Variants in PCDHGA11 observed in about 807,000 individuals in gnomAD.
PCDHGA11 encodes the protein protocadherin gamma subfamily A, 11, also known as protocadherin gamma-A11.
Under a neutral mutation model 60.4 loss-of-function variants are expected in PCDHGA11, and 39 were observed. The ratio of observed to expected loss-of-function variants is 0.65; its 90% CI spans 0.50 to 0.84. The LOEUF is 0.84. Ranked by LOEUF, PCDHGA11 falls within the 40% of genes least tolerant of loss-of-function variation. The probability of loss-of-function intolerance (pLI) is 0.00; values close to 1 mark genes in which losing one functional copy is unlikely to be tolerated. For missense variants in PCDHGA11, 1,165 were observed against 1,197.7 expected, an observed-to-expected ratio of 0.97 and a Z score of 0.40; for synonymous variants, 533 against 510.3, an observed-to-expected ratio of 1.04 and a Z score of -0.60.
rs61612330 is a variant in PCDHGA11 at position 141,454,796 on chromosome 5, A to ATTTTTTTTT, written c.2433+31157_2433+31165dup. Among the ~76,000 whole-genome samples the ATTTTTTTTT allele has an allele frequency of 8.2e-3, 638 of 77,468 alleles. 91 individuals carry two copies. The highest frequency in any genetic ancestry group is 0.025 in the African/African-American group (426 of 16,886). 50.8% of individuals were successfully genotyped at this position (77,468 alleles called of 152,430 possible). On this transcript the variant is annotated intron_variant, in intron 1 of 3. Coordinates refer to ENST00000398587, the MANE Select transcript of PCDHGA11 (RefSeq NM_018914.3). ...AAGGAAATAATCCTCCATGGTTCTA[A>ATTTTTTTTT]TTTTTTTTTTTTTTTTTTTTTTTTT...
rs181495329 is a variant in PCDHGA11, at chr5:141,489,120, G to A, written c.2434-5687G>A. ...AACTGCTGCAAGCAGGCAAACCTCC[G>A]AGCAGTTTTTAAGAGGCTGGAAGGA... is the stretch of plus-strand genomic sequence containing the variant. On this transcript the variant is annotated intron_variant, in intron 1 of 3. Coordinates refer to ENST00000398587, the MANE Select transcript of PCDHGA11 (RefSeq NM_018914.3). This position sits in a 1 kb window ranked among gnomAD's most constrained non-coding sequence, Gnocchi z 4.5. 1.8e-5 allele frequency: 8 copies of A among 445,672 alleles called. No homozygotes were observed. The East Asian group carries it at 1.9e-4, about 11-fold the overall frequency. The allele number at this position is 445,672 out of a possible 1,614,324, so 27.6% of individuals were successfully genotyped here.
At chr5:141,497,464 T>G (rs1277760390) in intron 2 of PCDHGA11, among the ~76,000 whole-genome samples, 1 of 151,764 alleles carries the variant, frequency 6.6e-6, no homozygotes, top group Non-Finnish European at 1.5e-5. Flanking sequence ...CTTGGAGATA[T>G]GGAGGAGAAG....
rs1562106021 is a variant in PCDHGA11 at position 141,485,561 on chromosome 5, G to T, written c.2434-9246G>T. 6.2e-7 allele frequency: 1 copy of T among 1,613,008 alleles called. No individual in the cohort carries two copies. Among genetic ancestry groups the T allele is most frequent in the Non-Finnish European group, 8.5e-7 (1 of 1,179,122 alleles). ...AGAGATCGTAGATGTGAATGATCAC[G>T]CCCCCCGTTTTCCGCGGCAGCAGCT... On this transcript the variant is annotated intron_variant, in intron 1 of 3. Coordinates refer to ENST00000398587, the MANE Select transcript of PCDHGA11 (RefSeq NM_018914.3). The surrounding 1 kb of genome is among the most constrained non-coding windows in gnomAD (Gnocchi z 5.7).
Position 141,491,215 on chromosome 5 carries a change from A to G in PCDHGA11, c.2434-3592A>G, listed in dbSNP as rs546893944. 2.5e-6 allele frequency: 4 copies of G among 1,614,196 alleles called. No individual in the cohort carries two copies. Among genetic ancestry groups the G allele is most frequent in the Non-Finnish European group, 3.4e-6 (4 of 1,180,036 alleles). On this transcript the variant is annotated intron_variant, in intron 1 of 3. Coordinates refer to ENST00000398587, the MANE Select transcript of PCDHGA11 (RefSeq NM_018914.3). This position sits in a 1 kb window ranked among gnomAD's most constrained non-coding sequence, Gnocchi z 6.9. ...CAATGGTGACCCTTCACTCTCCTCC[A>G]CAGCCACAGTGCTGCTGGTTCTGGA...
Position 141,487,623 on chromosome 5 carries a change from CT to C in PCDHGA11, c.2434-7181del. 1 of 1,614,206 alleles carries C rather than the reference CT, an allele frequency of 6.2e-7. No homozygotes were observed. Among genetic ancestry groups the C allele is most frequent in the Non-Finnish European group, 8.5e-7 (1 of 1,180,044 alleles). On this transcript the variant is annotated intron_variant, in intron 1 of 3. Transcript: ENST00000398587. This position sits in a 1 kb window ranked among gnomAD's most constrained non-coding sequence, Gnocchi z 5.0. ...CTTCTCTATGGGCTAGAGGTGAGAC[CT>C]TTGCAGGCTCAACAAATGCTTGAGG...
At chr5:141,446,502 A>G (rs1178198384) in intron 1 of PCDHGA11, among the ~76,000 whole-genome samples, 5 of 150,732 alleles carry the variant, frequency 3.3e-5, no homozygotes, top group Non-Finnish European at 7.4e-5. Context: ...TTTGAGATGG[A>G]GTCTCGCTCT....
At chr5:141,503,178 T>C (rs988629461) in intron 2 of PCDHGA11, among the ~76,000 whole-genome samples, 56 of 151,998 alleles carry the variant, frequency 3.7e-4, no homozygotes, top group African/African-American at 1.3e-3. Flanking sequence ...TACTCTATTG[T>C]GTAATTATTT....
At position 141,491,462 on chromosome 5, in the gene PCDHGA11, T is replaced by C; in HGVS notation, c.2434-3345T>C. 1.2e-6 allele frequency: 2 copies of C among 1,614,004 alleles called. No individual in the cohort carries two copies. The highest frequency in any genetic ancestry group is 1.7e-6 in the Non-Finnish European group (2 of 1,179,978). ...CGCCAGGACTCACCCTCCCCGGACT[T>C]CTATAAGCAGTCCAGCCCCAACCTG... On this transcript the variant is annotated intron_variant, in intron 1 of 3. Coordinates refer to ENST00000398587, the MANE Select transcript of PCDHGA11 (RefSeq NM_018914.3). This position sits in a 1 kb window ranked among gnomAD's most constrained non-coding sequence, Gnocchi z 6.9.
In PCDHGA11 at chr5:141,511,067, C is replaced by T. The variant is rs760786015; in HGVS notation, c.2702C>T (p.Pro901Leu). The change falls in exon 4 of 4, where the codon CCA (proline) becomes CTA (leucine). Residue 901 changes from proline (P) to leucine (L), a missense_variant. Pro to Leu is a moderately conservative substitution (Grantham distance 98). Coordinates refer to ENST00000398587, the MANE Select transcript of PCDHGA11 (RefSeq NM_018914.3). ...VPDYRQNVYI[P>L]GSNATLTNAA... ...GACTACCGCCAGAATGTCTACATCC[C>T]AGGCAGCAATGCCACACTGACCAAC... 7.4e-6 allele frequency: 12 copies of T among 1,614,136 alleles called. No homozygotes were observed. Among genetic ancestry groups the T allele is most frequent in the African/African-American group, 1.3e-5 (1 of 74,942 alleles).
chr5:141,432,374 C>T lies in PCDHGA11; in HGVS notation c.2433+8714C>T. The T allele has an allele frequency of 6.2e-7, 1 of 1,614,240 alleles. No individual in the cohort carries two copies. The highest frequency in any genetic ancestry group is 1.1e-5 in the South Asian group (1 of 91,082). ...GAAAGTGATGGCGCGGGACAACGGG[C>T]ACCCGCCCCTCAGCAGCAACGTGTC... On this transcript the variant is annotated intron_variant, in intron 1 of 3. Transcript: ENST00000398587. The surrounding 1 kb of genome is among the most constrained non-coding windows in gnomAD (Gnocchi z 6.0).
At chr5:141,433,215 T>A (rs755571112) in intron 1 of PCDHGA11, 1 of 1,568,720 alleles carries the variant, frequency 6.4e-7, no homozygotes, top group South Asian at 1.2e-5. Flanking sequence ...TTTCTTTTTT[T>A]TTTTTAATTG....
chr5:141,445,361 G>A (rs2098464750), intron 1 of PCDHGA11, among the ~76,000 whole-genome samples: 2 of 152,138 alleles, frequency 1.3e-5, no homozygotes, highest in African/African-American at 4.8e-5. Context: ...GCCCAAGTCT[G>A]GTCCTGGGTG....
In PCDHGA11 at chr5:141,422,940, C is replaced by T. The variant is rs769630623; in HGVS notation, c.1713C>T (p.Asp571=). Residue 571 remains aspartate (D), a synonymous_variant, in exon 1 of 4, where the codon GAC becomes GAT. Coordinates refer to ENST00000398587, the MANE Select transcript of PCDHGA11 (RefSeq NM_018914.3). The part of the protein sequence containing the change: ...PEILYPALPT[D]GSTGVELAPR... ...TCCTGTACCCTGCCCTCCCCACAGA[C>T]GGCTCCACTGGCGTGGAGCTGGCGC... The T allele has an allele frequency of 2.0e-5, 32 of 1,614,124 alleles. No homozygotes were observed. Among genetic ancestry groups the T allele is most frequent in the Admixed American group, 5.0e-5 (3 of 60,014 alleles).
intron 1 of PCDHGA11, among the ~76,000 whole-genome samples, chr5:141,450,823 A>ATTT: frequency 7.5e-6 from 1 of 133,136 alleles, no homozygotes; most frequent in African/African-American, 2.9e-5. Flanking sequence ...TAATATTATT[A>ATTT]TTATTATTTT....
intron 1 of PCDHGA11, among the ~76,000 whole-genome samples, chr5:141,453,623 T>C (rs1264665094): frequency 1.3e-5 from 2 of 152,238 alleles, no homozygotes; most frequent in Admixed American, 1.3e-4. Flanking sequence ...AAACAAAACC[T>C]ATACATATTT....
At chr5:141,464,838 A>G (rs2099091245) in intron 1 of PCDHGA11, among the ~76,000 whole-genome samples, 1 of 152,182 alleles carries the variant, frequency 6.6e-6, no homozygotes, top group African/African-American at 2.4e-5. Context: ...TCCTGGGCTC[A>G]AGCAATCCTC....
In PCDHGA11 at chr5:141,505,435, G is replaced by A. The variant is rs1274195652; in HGVS notation, c.2535G>A (p.Gln845=). The change falls in exon 3 of 4, where the codon CAG becomes CAA. Residue 845 remains glutamine, a synonymous_variant. Transcript: ENST00000398587. ...GDDTGTWPNN[Q]FDTEMLQAMI... is the part of the protein sequence containing the mutation. ...ACACCGGCACCTGGCCCAACAACCA[G>A]TTTGACACAGAGATGCTGCAAGCCA... 1 of 1,614,096 alleles carries A rather than the reference G, an allele frequency of 6.2e-7. No homozygotes were observed. Among genetic ancestry groups the A allele is most frequent in the African/African-American group, 1.3e-5 (1 of 74,936 alleles).
At position 141,511,108 on chromosome 5, in the gene PCDHGA11, G is replaced by A; in HGVS notation, c.2743G>A (p.Asp915Asn). The A allele has an allele frequency of 6.2e-7, 1 of 1,614,244 alleles. No homozygotes were observed. The highest frequency in any genetic ancestry group is 2.2e-5 in the East Asian group (1 of 44,882). Residue 915 changes from aspartate (D) to asparagine (N), a missense_variant, in exon 4 of 4, where the codon GAT (aspartate) becomes AAT (asparagine). Physicochemically the swap from Asp to Asn is conservative, Grantham distance 23. Coordinates refer to ENST00000398587, the MANE Select transcript of PCDHGA11 (RefSeq NM_018914.3). ...ATLTNAAGKR[D>N]GKAPAGGNGN... Reference sequence around the variant, plus strand: ...ACTGACCAACGCAGCTGGCAAGCGGGATGGCAAGGCCCCAGCAGGTGGCAA... The same window carrying A: ...ACTGACCAACGCAGCTGGCAAGCGGAATGGCAAGGCCCCAGCAGGTGGCAA...
chr5:141,421,885 G>T lies in PCDHGA11; in HGVS notation c.658G>T (p.Asp220Tyr). Residue 220 changes from aspartate (D) to tyrosine (Y), a missense_variant, in exon 1 of 4, where the codon GAT (aspartate) becomes TAT (tyrosine). By Grantham distance (160) the Asp-to-Tyr change is radical (BLOSUM62 -3). Transcript: ENST00000398587. ...CCTCCTCACAGCTTTAGATGGAGGC[G>T]ATCCCATCCGAAAGGGCGCAGTTCC... ...LLLLTALDGG[D>Y]PIRKGAVPIR... The T allele has an allele frequency of 6.2e-7, 1 of 1,613,692 alleles. No homozygotes were observed. The highest frequency in any genetic ancestry group is 8.5e-7 in the Non-Finnish European group (1 of 1,179,890).
Sources: allele counts gnomAD v4.1 joint callset (sites outside exome capture counted in the v4.1 genomes callset), GRCh38; gene constraint gnomAD v4.1.1; non-coding constraint Gnocchi (gnomAD v3.1); transcripts MANE v1.5; gene names NCBI Gene and HGNC (gene_info 2026-07-23, HGNC 2026-07-21).